Variants in IL12RB1 observed in about 807,000 individuals in gnomAD.
The protein encoded by IL12RB1 is interleukin-12 receptor subunit beta-1.
A neutral mutation model predicts 94.4 loss-of-function variants in IL12RB1; 64 were observed. The observed-to-expected ratio is 0.68, with a 90% CI of 0.55 to 0.83. The LOEUF (loss-of-function observed/expected upper bound fraction) is 0.83. IL12RB1 is among the 40% of genes least tolerant of loss of function. The probability of loss-of-function intolerance (pLI) is 0.00; values close to 1 mark genes in which losing one functional copy is unlikely to be tolerated. For synonymous variants in IL12RB1, 362 were observed against 355.5 expected (o/e 1.02, Z -0.21); for missense variants, 814 against 855.6 (o/e 0.95, Z 0.61).
chr19:18,098,159 A>C (rs1337434109), intron 1 of IL12RB1, among the ~76,000 whole-genome samples: 1 of 152,052 alleles, frequency 6.6e-6, no homozygotes, highest in East Asian at 1.9e-4. Context: ...CCATATGTTC[A>C]TGGTTGTTTT....
intron 11 of IL12RB1, among the ~76,000 whole-genome samples, chr19:18,068,015 T>TC (rs2034716442): frequency 1.6e-5 from 2 of 125,114 alleles, no homozygotes. Flanking sequence ...AACAGCATTG[T>TC]CCTTTTTTTT....
intron 1 of IL12RB1, 74 bp downstream of exon 1, chr19:18,086,686 G>A: frequency 6.9e-7 from 1 of 1,456,746 alleles, no homozygotes; most frequent in Non-Finnish European, 9.4e-7. Context: ...CACACAGCAG[G>A]CCCACAGCTC....
rs1332656969 is a variant in IL12RB1, at chr19:18,082,176, A to C, written c.213T>G (p.Ala71=). ...AACACCGCAGGAAGTGGCTGACCCC[A>C]GCTGTGGGACCCTCATACTGCCAGG... ...ECSWQYEGPT[A]GVSHFLRCCL... The change falls in exon 3 of 17, where the codon GCT becomes GCG. Residue 71 remains alanine (A), a synonymous_variant. Coordinates refer to ENST00000593993, the MANE Select transcript of IL12RB1 (RefSeq NM_005535.3). The C allele has an allele frequency of 8.7e-6, 14 of 1,612,946 alleles. No individual in the cohort carries two copies. The highest frequency in any genetic ancestry group is 1.2e-5 in the Non-Finnish European group (14 of 1,178,984).
chr19:18,068,563 T>C (rs1489900808), intron 10 of IL12RB1, 37 bp from the exon 11 acceptor site: 5 of 1,591,564 alleles, frequency 3.1e-6, no homozygotes, highest in Non-Finnish European at 4.3e-6. Flanking sequence ...ATTCAGTAGA[T>C]TGTGTTCCCA....
At chr19:18,066,144 G>C (rs1471274663) in intron 12 of IL12RB1, among the ~76,000 whole-genome samples, 2 of 151,306 alleles carry the variant, frequency 1.3e-5, no homozygotes, top group Non-Finnish European at 2.9e-5. Flanking sequence ...GTCTCACTCT[G>C]TCACCCAGGC....
chr19:18,076,311 T>C lies in IL12RB1; in HGVS notation c.566A>G (p.Gln189Arg), dbSNP rs2035476434. The C allele has an allele frequency of 7.0e-7, 1 of 1,438,532 alleles. No individual in the cohort carries two copies. Among genetic ancestry groups the C allele is most frequent in the Non-Finnish European group, 9.8e-7 (1 of 1,019,562 alleles). The allele number at this position is 1,438,532 out of a possible 1,614,324, so 89.1% of individuals were successfully genotyped here. Residue 189 changes from glutamine to arginine, a missense_variant, in exon 6 of 17, where the codon CAG becomes CGG. Gln to Arg is a conservative substitution (Grantham distance 43). Coordinates refer to ENST00000593993, the MANE Select transcript of IL12RB1 (RefSeq NM_005535.3). ...ATTATTCTCACCAGTATCATCATCCTGAGGTCCGCAGTCGCCCTAGAATAA... is the reference window on the plus strand; with the variant it reads ...ATTATTCTCACCAGTATCATCATCCCGAGGTCCGCAGTCGCCCTAGAATAA... ...SPWKLGDCGP[Q>R]DDDTESCLCP... is the part of the protein sequence containing the mutation.
intron 4 of IL12RB1, among the ~76,000 whole-genome samples, chr19:18,080,588 T>TTGGCATCC (rs1462439432): frequency 6.6e-6 from 1 of 152,172 alleles, no homozygotes; most frequent in Non-Finnish European, 1.5e-5. Flanking sequence ...CAACCAGGTC[T>TTGGCATCC]TGGCAGCATT....
intron 12 of IL12RB1, among the ~76,000 whole-genome samples, chr19:18,064,267 G>A (rs2146130381): frequency 6.7e-6 from 1 of 150,326 alleles, no homozygotes; most frequent in Admixed American, 6.7e-5. Flanking sequence ...AGCCTCCCGA[G>A]TAGCTGAGAC....
chr19:18,096,662 T>A (rs2036955835), intron 1 of IL12RB1, among the ~76,000 whole-genome samples: 1 of 149,570 alleles, frequency 6.7e-6, no homozygotes, highest in Admixed American at 6.6e-5. Context: ...TGGTGAGACC[T>A]CATCTCTACC....
At chr19:18,069,440 G>C in intron 10 of IL12RB1, 106 bp downstream of exon 10, 2 of 1,096,370 alleles carry the variant, frequency 1.8e-6, no homozygotes, top group Non-Finnish European at 1.3e-6. Flanking sequence ...ACACCTCTCT[G>C]GGCCTTAGAC....
At chr19:18,070,330 T>A (rs986392751) in intron 9 of IL12RB1, among the ~76,000 whole-genome samples, 2 of 152,236 alleles carry the variant, frequency 1.3e-5, no homozygotes, top group African/African-American at 2.4e-5. Flanking sequence ...ACTTCCAGCC[T>A]TGTAGGCGTC....
rs370396845 is a variant in IL12RB1, at chr19:18,066,678, C to T, written c.1347G>A (p.Pro449=). 116 of 1,608,572 alleles carry T rather than the reference C, an allele frequency of 7.2e-5. No homozygotes were observed. The African/African-American group carries it at 1.0e-3, about 14-fold the overall frequency. ...TATGATTCTTCACCGAGACGTGGTG[C>T]GGTGTCCCAGCTGCTGAGGCTGCAA... ...FGGNASAAGT[P]HHVSVKNHSL... is the part of the protein sequence containing the mutation. The change falls in exon 12 of 17, where the codon CCG becomes CCA. Residue 449 remains proline (P), a synonymous_variant. Transcript: ENST00000593993.
chr19:18,076,373 A>G lies in IL12RB1; in HGVS notation c.550-46T>C, dbSNP rs771992612. On this transcript the variant is annotated intron_variant, in intron 5 of 16. Coordinates refer to ENST00000593993, the MANE Select transcript of IL12RB1 (RefSeq NM_005535.3). ...TATATTGTTTTGCATTTTGGTGCTG[A>G]AAAATATTTGCTGTTTTACAATTAG... is the stretch of plus-strand genomic sequence containing the variant. 5.2e-6 allele frequency: 5 copies of G among 968,322 alleles called. No individual in the cohort carries two copies. In the East Asian group the frequency reaches 1.2e-4, roughly 23 times the overall value. 60.0% of individuals were successfully genotyped at this position (968,322 alleles called of 1,614,324 possible). A position where few individuals can be genotyped will look rare whatever the true frequency, so the allele number is the denominator to read the frequency against.
At position 18,061,136 on chromosome 19, in the gene IL12RB1, G is replaced by A; in HGVS notation, c.1777C>T (p.Pro593Ser). The A allele has an allele frequency of 6.3e-7, 1 of 1,592,382 alleles. No individual in the cohort carries two copies. The highest frequency in any genetic ancestry group is 8.6e-7 in the Non-Finnish European group (1 of 1,164,102). Reference protein sequence around the residue: ...TPCASSAIEFPGGKETWQWIN... With the variant: ...TPCASSAIEFSGGKETWQWIN... ...GGCATCCTTACCTCCTTCCCTCCAG[G>A]GAACTCAATGGCGGAGCTGGCACAG... The change falls in exon 15 of 17, where the codon CCT (proline) becomes TCT (serine). Residue 593 changes from proline (P) to serine (S), a missense_variant. Pro to Ser is a moderately conservative substitution (Grantham distance 74, BLOSUM62 -1). Transcript: ENST00000593993.
chr19:18,080,938 G>A lies in IL12RB1; in HGVS notation c.303C>T (p.Asp101=). The change falls in exon 4 of 17, where the codon GAC becomes GAT. Residue 101 remains aspartate (D), a synonymous_variant. Transcript: ENST00000593993. ...AGSATRLQFS[D]QAGVSVLYTV... ...TGTACAGCACAGACACCCCAGCCTG[G>A]TCGGAGAACTGCAGCCTGGTGGCTG... 3 of 1,614,034 alleles carry A rather than the reference G, an allele frequency of 1.9e-6. No homozygotes were observed. Among genetic ancestry groups the A allele is most frequent in the Non-Finnish European group, 2.5e-6 (3 of 1,179,954 alleles).
At chr19:18,078,813 G>T (rs995785093) in intron 4 of IL12RB1, among the ~76,000 whole-genome samples, 1 of 152,056 alleles carries the variant, frequency 6.6e-6, no homozygotes, top group African/African-American at 2.4e-5. Context: ...GTCATACCCG[G>T]CCTGATTCTT....
intron 1 of IL12RB1, among the ~76,000 whole-genome samples, chr19:18,092,657 C>T (rs554893637): frequency 7.8e-5 from 10 of 127,492 alleles, no homozygotes; most frequent in African/African-American, 2.5e-4. Context: ...GAGACAAGAG[C>T]AAAACTCTGT....
At position 18,076,326 on chromosome 19, in the gene IL12RB1, C is replaced by G; in HGVS notation, c.551G>C (p.Gly184Ala). The change falls in exon 6 of 17, where the codon GGC (glycine) becomes GCC (alanine). Residue 184 changes from glycine (G) to alanine (A), a missense_variant and splice_region_variant. Gly to Ala is a moderately conservative substitution (Grantham distance 60). Coordinates refer to ENST00000593993, the MANE Select transcript of IL12RB1 (RefSeq NM_005535.3). Reference protein sequence around the residue: ...HRTPSSPWKLGDCGPQDDDTE... With the variant: ...HRTPSSPWKLADCGPQDDDTE... ...ATCATCATCCTGAGGTCCGCAGTCG[C>G]CCTAGAATAAAAACATATTCATATA... is the stretch of plus-strand genomic sequence containing the variant. 7.1e-7 allele frequency: 1 copy of G among 1,406,988 alleles called. No individual in the cohort carries two copies. Among genetic ancestry groups the G allele is most frequent in the Non-Finnish European group, 1.0e-6 (1 of 990,974 alleles). The allele number at this position is 1,406,988 out of a possible 1,614,324, so 87.2% of individuals were successfully genotyped here. A position where few individuals can be genotyped will look rare whatever the true frequency, so the allele number is the denominator to read the frequency against.
upstream of IL12RB1, among the ~76,000 whole-genome samples, chr19:18,090,203 A>G (rs2036570376): frequency 6.6e-6 from 1 of 152,146 alleles, no homozygotes; most frequent in Admixed American, 6.5e-5. Context: ...TCTACAAAAA[A>G]TAATTTGCTG....
Sources: gnomAD v4.1 joint callset for allele counts (sites outside exome capture counted in the v4.1 genomes callset) on GRCh38, gnomAD v4.1.1 for gene constraint, MANE v1.5 for transcripts, NCBI Gene and HGNC (gene_info 2026-07-23, HGNC 2026-07-21) for gene names.